ABCA4: variants seen among roughly 807,000 people sequenced by gnomAD.
The protein encoded by ABCA4 is ATP binding cassette subfamily A member 4, also known as retinal-specific phospholipid-transporting ATPase ABCA4.
ABCA4 carries 196 observed loss-of-function variants against 263.7 expected under a neutral mutation model. The observed-to-expected ratio is 0.74, with a 90% CI of 0.66 to 0.84. ABCA4 has a LOEUF of 0.84. ABCA4 is among the 40% of genes least tolerant of loss of function. The pLI, the probability that ABCA4 is intolerant of heterozygous loss-of-function variation, is 0.00. For synonymous variants in ABCA4, 1,133 were observed against 1,094.2 expected (o/e 1.04, Z -0.70); for missense variants, 2,792 against 2,855.1 (o/e 0.98, Z 0.50).
At position 94,007,700 on chromosome 1, in the gene ABCA4, G is replaced by C; in HGVS notation, c.5939C>G (p.Thr1980Ser). The change falls in exon 43 of 50, where the codon ACC (threonine) becomes AGC (serine). Residue 1980 changes from threonine (T) to serine (S), a missense_variant. By Grantham distance (58) the Thr-to-Ser change is moderately conservative. Transcript: ENST00000370225. ...GTCCCCAGTGAGCATCTTGAATGTG[G>C]TTGTTTTGCCGGCACCATTCACTCC... The part of the protein sequence containing the change: ...LLGVNGAGKT[T>S]TFKMLTGDTT... 6.2e-7 allele frequency: 1 copy of C among 1,614,070 alleles called. No individual in the cohort carries two copies. Among genetic ancestry groups the C allele is most frequent in the Non-Finnish European group, 8.5e-7 (1 of 1,180,032 alleles).
chr1:94,018,294 G>T (rs867460041), intron 36 of ABCA4, among the ~76,000 whole-genome samples: 1 of 152,102 alleles, frequency 6.6e-6, no homozygotes, highest in Admixed American at 6.5e-5. Flanking sequence ...AAAAGCCTCC[G>T]CACTTTTCTA....
chr1:94,116,081 C>CCTCA (rs1224007450), intron 1 of ABCA4, among the ~76,000 whole-genome samples: 1 of 152,164 alleles, frequency 6.6e-6, no homozygotes, highest in African/African-American at 2.4e-5. Context: ...CCACCCACTC[C>CCTCA]CTCACTCACT....
chr1:94,082,772 T>C (rs1463514639), intron 7 of ABCA4, among the ~76,000 whole-genome samples: 2 of 152,254 alleles, frequency 1.3e-5, no homozygotes, highest in African/African-American at 4.8e-5. Context: ...AATCTGTGTG[T>C]TCATCATCAT....
At chr1:94,081,128 G>A (rs1055474090) in intron 7 of ABCA4, among the ~76,000 whole-genome samples, 11 of 152,280 alleles carry the variant, frequency 7.2e-5, no homozygotes, top group Non-Finnish European at 1.2e-4. Context: ...GGGAGGCTGA[G>A]GCAGGAGAAT....
intron 5 of ABCA4, among the ~76,000 whole-genome samples, chr1:94,102,583 T>C (rs1557805163): frequency 6.6e-6 from 1 of 152,108 alleles, no homozygotes; most frequent in Non-Finnish European, 1.5e-5. Context: ...CAGCGGAGTC[T>C]CTGCTTACCT....
At position 94,111,554 on chromosome 1, in the gene ABCA4, G is replaced by C. The variant is rs1311371515; in HGVS notation, c.186C>G (p.Pro62=). The C allele has an allele frequency of 8.1e-6, 13 of 1,614,120 alleles. No individual in the cohort carries two copies. Among genetic ancestry groups the C allele is most frequent in the Non-Finnish European group, 1.1e-5 (13 of 1,180,054 alleles). ...HECHFPNKAM[P]SAGMLPWLQG... is the part of the protein sequence containing the mutation. Reference sequence around the variant, plus strand: ...GGAGCCACGGCAGCATTCCTGCTGAGGGCATCGCCTTGTTGGGGAAATGGC... The same window carrying C: ...GGAGCCACGGCAGCATTCCTGCTGACGGCATCGCCTTGTTGGGGAAATGGC... The change falls in exon 3 of 50, where the codon CCC becomes CCG. Residue 62 remains proline, a synonymous_variant. Transcript: ENST00000370225.
Position 94,047,018 on chromosome 1 carries a change from G to A in ABCA4, c.2819C>T (p.Pro940Leu). ...ACGGTCCACAGCTGGCCGGCCACAG[G>A]GCTCAAAAATCTTTACCAGATTCTT... ...CVKNLVKIFE[P>L]CGRPAVDRLN... Residue 940 changes from proline (P) to leucine (L), a missense_variant, in exon 19 of 50, where the codon CCC (proline) becomes CTC (leucine). Coordinates refer to ENST00000370225, the MANE Select transcript of ABCA4 (RefSeq NM_000350.3). 1 of 1,614,120 alleles carries A rather than the reference G, an allele frequency of 6.2e-7. No individual in the cohort carries two copies. Among genetic ancestry groups the A allele is most frequent in the African/African-American group, 1.3e-5 (1 of 75,002 alleles).
At chr1:94,075,149 C>T (rs376269094) in intron 11 of ABCA4, among the ~76,000 whole-genome samples, 2 of 151,950 alleles carry the variant, frequency 1.3e-5, no homozygotes, top group Admixed American at 6.6e-5. Flanking sequence ...CATCACACAC[C>T]GGAGCCTGTT....
intron 36 of ABCA4, 115 bp from the exon 37 acceptor site, chr1:94,015,969 G>A (rs113273041): frequency 5.5e-6 from 5 of 907,858 alleles, no homozygotes; most frequent in African/African-American, 5.0e-5. Context: ...ATTCTGATTC[G>A]ACTTGCTTTT....
At chr1:94,032,983 T>C (rs1228997167) in intron 26 of ABCA4, among the ~76,000 whole-genome samples, 2 of 152,204 alleles carry the variant, frequency 1.3e-5, no homozygotes, top group Non-Finnish European at 1.5e-5. Context: ...TGGTTCTTTC[T>C]GAATTCTTAG....
At chr1:94,020,678 G>T (rs969617800) in intron 35 of ABCA4, among the ~76,000 whole-genome samples, 3 of 152,192 alleles carry the variant, frequency 2.0e-5, no homozygotes, top group African/African-American at 4.8e-5. Flanking sequence ...ACCCCACAAC[G>T]TTGCTGAAGT....
At position 94,018,870 on chromosome 1, in the gene ABCA4, A is replaced by T. The variant is rs72958438; in HGVS notation, c.5196+712T>A. On this transcript the variant is annotated intron_variant, in intron 36 of 49. Coordinates refer to ENST00000370225, the MANE Select transcript of ABCA4 (RefSeq NM_000350.3). ...AAGGTGGTAGTGTGCTATTGATTTAATAAATATTTTTTCTTCATTTTTCCC... is the reference window on the plus strand; with the variant it reads ...AAGGTGGTAGTGTGCTATTGATTTATTAAATATTTTTTCTTCATTTTTCCC... 4.6e-3 allele frequency among the ~76,000 whole-genome samples: 698 copies of T among 151,784 alleles called. 6 individuals are homozygous for T. Among genetic ancestry groups the T allele is most frequent in the African/African-American group, 0.016 (654 of 41,354 alleles).
At chr1:94,053,866 C>T (rs1234072364) in intron 16 of ABCA4, among the ~76,000 whole-genome samples, 1 of 152,234 alleles carries the variant, frequency 6.6e-6, no homozygotes, top group Non-Finnish European at 1.5e-5. Flanking sequence ...TAGAAGCCTT[C>T]CTCCTATTCA....
At chr1:94,030,878 T>G (rs988668481) in intron 28 of ABCA4, 118 bp downstream of exon 28, 54 of 1,468,138 alleles carry the variant, frequency 3.7e-5, no homozygotes, top group Non-Finnish European at 4.7e-5. Flanking sequence ...CAAAGACCCC[T>G]CCCCTCTCTC....
chr1:94,114,653 A>T (rs1182548802), intron 1 of ABCA4, among the ~76,000 whole-genome samples: 1 of 151,918 alleles, frequency 6.6e-6, no homozygotes, highest in Non-Finnish European at 1.5e-5. Flanking sequence ...TGCCCGGCTA[A>T]TTTTTTTGTA....
intron 6 of ABCA4, among the ~76,000 whole-genome samples, chr1:94,092,614 A>G (rs1557800933): frequency 6.6e-6 from 1 of 152,192 alleles, no homozygotes; most frequent in Non-Finnish European, 1.5e-5. Context: ...TCCCAGAATG[A>G]GAGGGAACTG....
At chr1:94,058,841 C>A (rs1200764724) in intron 14 of ABCA4, among the ~76,000 whole-genome samples, 1 of 152,184 alleles carries the variant, frequency 6.6e-6, no homozygotes, top group Non-Finnish European at 1.5e-5. Context: ...TTTCTAATAG[C>A]TCGAGTAACA....
intron 6 of ABCA4, among the ~76,000 whole-genome samples, chr1:94,088,281 A>G (rs912257167): frequency 1.3e-5 from 2 of 151,998 alleles, no homozygotes; most frequent in African/African-American, 4.8e-5. Context: ...TTGCTTTGCT[A>G]CTTCTCTGCC....
chr1:94,024,806 T>C, intron 31 of ABCA4, 148 bp downstream of exon 31: 1 of 659,786 alleles, frequency 1.5e-6, no homozygotes, highest in Non-Finnish European at 2.7e-6. Flanking sequence ...TTGCTTTTTA[T>C]GTTGAATGGG....
Sources: gnomAD v4.1 joint callset for allele counts (sites outside exome capture counted in the v4.1 genomes callset) on GRCh38, gnomAD v4.1.1 for gene constraint, MANE v1.5 for transcripts, NCBI Gene and HGNC (gene_info 2026-07-23, HGNC 2026-07-21) for gene names.